Variants in PPP1R42 observed in about 807,000 individuals in gnomAD.
PPP1R42 encodes protein phosphatase 1 regulatory subunit 42, also known as leucine rich repeat containing 67.
In PPP1R42, 34 loss-of-function variants were observed where a neutral mutation model predicts 31.0. The observed-to-expected ratio is 1.10, with a 90% CI of 0.83 to 1.46. PPP1R42 has a LOEUF of 1.46. Ranked by LOEUF, PPP1R42 falls within the 40% of genes most tolerant of loss-of-function variation. The pLI, the probability that PPP1R42 is intolerant of heterozygous loss-of-function variation, is 0.00. For missense variants in PPP1R42, 268 were observed against 303.0 expected, an observed-to-expected ratio of 0.88 and a Z score of 0.86; for synonymous variants, 103 against 109.8, an observed-to-expected ratio of 0.94 and a Z score of 0.39.
intron 6 of PPP1R42, among the ~76,000 whole-genome samples, chr8:66,982,995 C>T (rs924575626): frequency 2.0e-5 from 3 of 151,366 alleles, no homozygotes; most frequent in Non-Finnish European, 4.4e-5. Context: ...GTTGCCCAGG[C>T]TGCTCTTGTA....
At chr8:67,013,145 G>A (rs78625536) in intron 3 of PPP1R42, 49 bp from the exon 4 acceptor site, 48,195 of 1,466,544 alleles carry the variant, frequency 0.033, 934 homozygotes, top group Non-Finnish European at 0.038. Flanking sequence ...GAATGTCATG[G>A]TCTTTATTAA....
At chr8:67,018,518 CTT>C (rs1194476543) in intron 1 of PPP1R42, among the ~76,000 whole-genome samples, 8 of 136,852 alleles carry the variant, frequency 5.8e-5, no homozygotes, top group Non-Finnish European at 8.0e-5. Context: ...GCACTGCAAC[CTT>C]TTTTTTTTTT....
In PPP1R42 at chr8:66,982,095, G is replaced by A; in HGVS notation, c.756C>T (p.Ser252=). 1 of 1,490,500 alleles carries A rather than the reference G, an allele frequency of 6.7e-7. No individual in the cohort carries two copies. 92.3% of individuals were successfully genotyped at this position (1,490,500 alleles called of 1,614,324 possible). A position where few individuals can be genotyped will look rare whatever the true frequency, so the allele number is the denominator to read the frequency against. The change falls in exon 7 of 8, where the codon AGC becomes AGT. Residue 252 remains serine, a synonymous_variant. Coordinates refer to ENST00000685739, the MANE Select transcript of PPP1R42 (RefSeq NM_001364910.1). ...CCTCATTTTTACTGCTCCTTTTTTT[G>A]CTGATTTTCTTGGCATCTTTGGATG... ...WKASKDAKKI[S]KKRSSKNEDA...
At chr8:67,014,369 A>C in intron 3 of PPP1R42, 57 bp downstream of exon 3, 1 of 1,067,764 alleles carries the variant, frequency 9.4e-7, no homozygotes, top group Non-Finnish European at 1.3e-6. Flanking sequence ...ATGCAAAAAA[A>C]TGTAAGTACC....
intron 7 of PPP1R42, among the ~76,000 whole-genome samples, chr8:66,964,980 T>C (rs1814340532): frequency 6.6e-6 from 1 of 152,204 alleles, no homozygotes; most frequent in African/African-American, 2.4e-5. Context: ...TGATCTGTTT[T>C]CTGGCTCTGT....
chr8:67,023,264 G>C (rs1000479542), intron 1 of PPP1R42, among the ~76,000 whole-genome samples: 1 of 151,926 alleles, frequency 6.6e-6, no homozygotes, highest in African/African-American at 2.4e-5. Context: ...GCCTGCGCCA[G>C]CATGCCCAGC....
At chr8:67,026,871 C>T (rs1045747078) in intron 1 of PPP1R42, 13 of 149,940 alleles carry the variant, frequency 8.7e-5, no homozygotes, top group African/African-American at 2.9e-4. Flanking sequence ...TCAGAGCAAT[C>T]GTCTTTTACC....
chr8:66,965,555 C>A (rs2130906719), intron 7 of PPP1R42, among the ~76,000 whole-genome samples: 1 of 151,332 alleles, frequency 6.6e-6, no homozygotes, highest in Admixed American at 6.6e-5. Flanking sequence ...TCCAAGTGAT[C>A]CTTCCACCCT....
At chr8:66,982,021 G>T in intron 7 of PPP1R42, 28 bp downstream of exon 7, 2 of 1,325,786 alleles carry the variant, frequency 1.5e-6, no homozygotes, top group Non-Finnish European at 1.9e-6. Flanking sequence ...TAGAAGAGCA[G>T]TCACCTAATG....
intron 5 of PPP1R42, among the ~76,000 whole-genome samples, chr8:67,006,854 C>A (rs1367123655): frequency 6.8e-6 from 1 of 146,480 alleles, no homozygotes; most frequent in Non-Finnish European, 1.5e-5. Context: ...TCACACCATT[C>A]TCCTGCCTCA....
chr8:66,965,657 G>C (rs188051417), intron 7 of PPP1R42, among the ~76,000 whole-genome samples: 1 of 151,970 alleles, frequency 6.6e-6, no homozygotes, highest in Non-Finnish European at 1.5e-5. Context: ...ACAGTGGTTC[G>C]CATCTGCAAC....
intron 5 of PPP1R42, among the ~76,000 whole-genome samples, chr8:66,998,283 T>C (rs1815390667): frequency 6.6e-6 from 1 of 152,220 alleles, no homozygotes; most frequent in Non-Finnish European, 1.5e-5. Context: ...TAAAAATGTA[T>C]CCCTAAGTAT....
chr8:66,970,464 C>T (rs1404357728), intron 7 of PPP1R42, among the ~76,000 whole-genome samples: 1 of 152,108 alleles, frequency 6.6e-6, no homozygotes, highest in Non-Finnish European at 1.5e-5. Flanking sequence ...AAAGCAATAC[C>T]TTTTTTAAAC....
At chr8:66,965,835 A>G (rs910528756) in intron 7 of PPP1R42, among the ~76,000 whole-genome samples, 1 of 152,056 alleles carries the variant, frequency 6.6e-6, no homozygotes, top group Non-Finnish European at 1.5e-5. Flanking sequence ...GGGCAGGAGG[A>G]TTGCTTGAAC....
chr8:66,970,043 A>G (rs2130911142), intron 7 of PPP1R42, among the ~76,000 whole-genome samples: 1 of 152,300 alleles, frequency 6.6e-6, no homozygotes, highest in East Asian at 1.9e-4. Context: ...GGATTATCTC[A>G]TTTGAGTTTT....
intron 6 of PPP1R42, among the ~76,000 whole-genome samples, chr8:66,987,090 C>A (rs1421152345): frequency 2.0e-5 from 3 of 151,940 alleles, no homozygotes; most frequent in Non-Finnish European, 4.4e-5. Flanking sequence ...AATTATATAG[C>A]TTGTTAGTAT....
chr8:67,016,541 C>A (rs557285217), intron 2 of PPP1R42, among the ~76,000 whole-genome samples: 1 of 152,314 alleles, frequency 6.6e-6, no homozygotes, highest in East Asian at 1.9e-4. Flanking sequence ...ATGTAATTGA[C>A]CCAAGTATAA....
chr8:66,972,401 T>G (rs746833105), intron 7 of PPP1R42, among the ~76,000 whole-genome samples: 3 of 152,212 alleles, frequency 2.0e-5, no homozygotes, highest in Non-Finnish European at 4.4e-5. Flanking sequence ...AGAGACCATT[T>G]TTTTTTGAGA....
intron 7 of PPP1R42, among the ~76,000 whole-genome samples, chr8:66,964,791 C>A (rs955323354): frequency 1.3e-5 from 2 of 152,042 alleles, no homozygotes; most frequent in Non-Finnish European, 2.9e-5. Context: ...TTGTAATTTA[C>A]ATAGTTAAGT....
Sources: gnomAD v4.1 joint callset for allele counts (sites outside exome capture counted in the v4.1 genomes callset) on GRCh38, gnomAD v4.1.1 for gene constraint, MANE v1.5 for transcripts, NCBI Gene and HGNC (gene_info 2026-07-23, HGNC 2026-07-21) for gene names.